Variants in PCMTD1 observed in about 807,000 individuals in gnomAD.
PCMTD1 encodes the protein protein-L-isoaspartate (D-aspartate) O-methyltransferase domain containing 1.
A neutral mutation model predicts 37.6 loss-of-function variants in PCMTD1; 12 were observed. The ratio of observed to expected loss-of-function variants is 0.32; its 90% CI spans 0.20 to 0.52. PCMTD1 has a LOEUF of 0.52. Among genes scored for constraint, PCMTD1 ranks in the 20% least tolerant of loss-of-function variants. The pLI, the probability that PCMTD1 is intolerant of heterozygous loss-of-function variation, is 0.97. For missense variants in PCMTD1, 235 were observed against 421.3 expected (o/e 0.56, Z 3.87); for synonymous variants, 117 against 135.8 (o/e 0.86, Z 0.96).
chr8:51,821,889 C>T (rs2037854035), intron 5 of PCMTD1, among the ~76,000 whole-genome samples: 1 of 152,080 alleles, frequency 6.6e-6, no homozygotes, highest in Non-Finnish European at 1.5e-5. Flanking sequence ...GCATGTGCCA[C>T]CACACCAGTG....
At chr8:51,827,536 C>T (rs1388784361) in intron 5 of PCMTD1, among the ~76,000 whole-genome samples, 2 of 152,110 alleles carry the variant, frequency 1.3e-5, no homozygotes, top group East Asian at 3.8e-4. Context: ...TTAGCAGCTG[C>T]CTCAGTTATC....
chr8:51,850,186 G>C, intron 2 of PCMTD1: 1 of 668,902 alleles, frequency 1.5e-6, no homozygotes, highest in Non-Finnish European at 2.7e-6. Context: ...GTCACTGTAA[G>C]ACCGGTTCCC....
At chr8:51,890,134 T>C (rs560169834) in intron 1 of PCMTD1, among the ~76,000 whole-genome samples, 1 of 152,294 alleles carries the variant, frequency 6.6e-6, no homozygotes, top group Non-Finnish European at 1.5e-5. Context: ...TATTCACAGA[T>C]ATTTATATAG....
At chr8:51,886,011 C>T (rs2038860601) in intron 1 of PCMTD1, among the ~76,000 whole-genome samples, 1 of 152,132 alleles carries the variant, frequency 6.6e-6, no homozygotes, top group South Asian at 2.1e-4. Flanking sequence ...ATATTCTTTC[C>T]TACTAAGAAC....
chr8:51,820,561 G>C lies in PCMTD1; in HGVS notation c.864C>G (p.Tyr288Ter). ...GAATAAGCTGATTACCCACAAATAC[G>C]TAAGTGTTAATTCTCTGTTTAACTC... Reference protein sequence around the residue: ...RKRVKQRINTYVFVGNQLIPQ... With the variant: ...RKRVKQRINT The change falls in exon 6 of 6, where the codon TAC (tyrosine) becomes TAG (stop). Residue 288 changes from tyrosine to a stop codon, truncating the protein, a stop_gained. Transcript: ENST00000522514. LOFTEE classifies it high-confidence loss of function. 1 of 1,612,300 alleles carries C rather than the reference G, an allele frequency of 6.2e-7. No individual in the cohort carries two copies. The highest frequency in any genetic ancestry group is 8.5e-7 in the Non-Finnish European group (1 of 1,179,534).
At chr8:51,831,591 A>G in intron 4 of PCMTD1, 24 bp from the exon 5 acceptor site, 1 of 1,599,062 alleles carries the variant, frequency 6.3e-7, no homozygotes, top group Non-Finnish European at 8.5e-7. Flanking sequence ...AAAAAGAAAG[A>G]AAGTGAACAA....
chr8:51,866,030 G>GA (rs1363534828), intron 1 of PCMTD1, among the ~76,000 whole-genome samples: 4 of 149,816 alleles, frequency 2.7e-5, no homozygotes, highest in Non-Finnish European at 5.9e-5. Flanking sequence ...CAAATGATCT[G>GA]AAAAAATAAT....
In PCMTD1 at chr8:51,895,934, A is replaced by ATTTTTTTTTTTTTTTTTTTTTTTT. The variant is rs1563367741; in HGVS notation, c.-96+2995_-96+2996insAAAAAAAAAAAAAAAAAAAAAAAA. On this transcript the variant is annotated intron_variant, in intron 1 of 5. Coordinates refer to ENST00000522514, the MANE Select transcript of PCMTD1 (RefSeq NM_052937.4). ...CTTTATTAATGTTAGTATTTGTCCC[A>ATTTTTTTTTTTTTTTTTTTTTTTT]TTTCTTTTTTTTTTTTTTTTTTTTT... 6.9e-5 allele frequency: 8 copies of ATTTTTTTTTTTTTTTTTTTTTTTT among 116,670 alleles called. 1 individual carries two copies. Among genetic ancestry groups the ATTTTTTTTTTTTTTTTTTTTTTTT allele is most frequent in the Admixed American group, 1.9e-4 (2 of 10,620 alleles). The allele number at this position is 116,670 out of a possible 1,614,324, so 7.2% of individuals were successfully genotyped here.
intron 1 of PCMTD1, among the ~76,000 whole-genome samples, chr8:51,878,406 T>C (rs1585847133): frequency 6.6e-6 from 1 of 152,296 alleles, no homozygotes; most frequent in East Asian, 1.9e-4. Context: ...TCACAATTTT[T>C]CTTTAAGTTT....
intron 1 of PCMTD1, among the ~76,000 whole-genome samples, chr8:51,874,830 T>C (rs1333919082): frequency 6.6e-6 from 1 of 152,206 alleles, no homozygotes; most frequent in Non-Finnish European, 1.5e-5. Context: ...ACTGATCACT[T>C]GTTTATGCCT....
rs138435982 is a variant in PCMTD1 at position 51,892,168 on chromosome 8, T to C, written c.-96+6762A>G. Among the ~76,000 whole-genome samples the C allele has an allele frequency of 9.4e-4, 143 of 152,346 alleles. 1 individual carries two copies. The Middle Eastern group carries it at 0.014, about 14-fold the overall frequency. ...AAAAGATTAATAACCACATACAATA[T>C]TGTAAGCCACAACATTTCCTTCTAG... On this transcript the variant is annotated intron_variant, in intron 1 of 5. Transcript: ENST00000522514.
At chr8:51,856,173 CA>C (rs2038385622) in intron 2 of PCMTD1, among the ~76,000 whole-genome samples, 1 of 152,114 alleles carries the variant, frequency 6.6e-6, no homozygotes, top group Non-Finnish European at 1.5e-5. Context: ...AACAACTCAA[CA>C]ATCAACAACT....
At chr8:51,849,949 A>G (rs2038280656) in intron 2 of PCMTD1, 1 of 650,910 alleles carries the variant, frequency 1.5e-6, no homozygotes, top group Non-Finnish European at 2.8e-6. Flanking sequence ...AATGAAGTTC[A>G]CTGTGCCTTT....
At chr8:51,887,067 GCCT>G (rs2038874917) in intron 1 of PCMTD1, among the ~76,000 whole-genome samples, 1 of 151,422 alleles carries the variant, frequency 6.6e-6, no homozygotes, top group Non-Finnish European at 1.5e-5. Flanking sequence ...CTCTCGCTCT[GCCT>G]CCTCCTTCCA....
intron 4 of PCMTD1, among the ~76,000 whole-genome samples, chr8:51,831,898 C>T (rs1022559419): frequency 4.6e-4 from 70 of 152,256 alleles, no homozygotes; most frequent in African/African-American, 1.6e-3. Context: ...ATGTCTGAGA[C>T]AGGTGCAGTA....
intron 1 of PCMTD1, among the ~76,000 whole-genome samples, chr8:51,877,464 A>G (rs1158577906): frequency 2.6e-5 from 4 of 152,258 alleles, no homozygotes; most frequent in African/African-American, 9.6e-5. Context: ...TAAGCATGCT[A>G]GGGCAAATAT....
intron 2 of PCMTD1, among the ~76,000 whole-genome samples, chr8:51,859,404 G>C (rs35448466): frequency 8.5e-4 from 129 of 152,122 alleles, no homozygotes; most frequent in African/African-American, 2.8e-3. Context: ...AGGGAGGAGC[G>C]CCAAATTTAA....
intron 1 of PCMTD1, among the ~76,000 whole-genome samples, chr8:51,892,593 CG>C (rs2038951157): frequency 6.6e-6 from 1 of 152,146 alleles, no homozygotes; most frequent in Non-Finnish European, 1.5e-5. Flanking sequence ...GTTGTCACAA[CG>C]GTTGTAATAG....
chr8:51,825,645 G>T lies in PCMTD1; in HGVS notation c.707-4927C>A, dbSNP rs2037910573. ...GGAAGCGGAGCTTGCAGTGAGCCGA[G>T]ATTGCGCCACTGCAGTCCGCAGTCC... On this transcript the variant is annotated intron_variant, in intron 5 of 5. Coordinates refer to ENST00000522514, the MANE Select transcript of PCMTD1 (RefSeq NM_052937.4). Among the ~76,000 whole-genome samples, 4 of 25,738 alleles carry T rather than the reference G, an allele frequency of 1.6e-4. 2 individuals carry two copies. The South Asian group carries it at 0.017, about 106-fold the overall frequency. The allele number at this position is 25,738 out of a possible 152,430, so 16.9% of individuals were successfully genotyped here.
Sources: gnomAD v4.1 joint callset for allele counts (sites outside exome capture counted in the v4.1 genomes callset) on GRCh38, gnomAD v4.1.1 for gene constraint, MANE v1.5 for transcripts, NCBI Gene and HGNC (gene_info 2026-07-23, HGNC 2026-07-21) for gene names.